THSD4: variants seen among roughly 807,000 people sequenced by gnomAD.
THSD4 encodes thrombospondin type-1 domain-containing protein 4.
A neutral mutation model predicts 119.0 loss-of-function variants in THSD4; 69 were observed. That is an observed-to-expected ratio of 0.58 (90% CI 0.48 to 0.71). The LOEUF (loss-of-function observed/expected upper bound fraction) is 0.71, where lower values mean the gene tolerates loss of function less well. THSD4 is among the 30% of genes least tolerant of loss of function. THSD4 has a pLI of 0.00. For missense variants in THSD4, 1,393 were observed against 1,391.1 expected, an observed-to-expected ratio of 1.00 and a Z score of -0.02; for synonymous variants, 524 against 540.4, an observed-to-expected ratio of 0.97 and a Z score of 0.42.
intron 6 of THSD4, among the ~76,000 whole-genome samples, chr15:71,329,256 C>A (rs893172054): frequency 1.3e-5 from 2 of 152,132 alleles, no homozygotes; most frequent in Non-Finnish European, 2.9e-5. Context: ...GGCTGCCTGG[C>A]GACAGGGAGC....
intron 6 of THSD4, among the ~76,000 whole-genome samples, chr15:71,343,727 T>A (rs565236431): frequency 4.1e-4 from 62 of 151,398 alleles, no homozygotes; most frequent in African/African-American, 1.5e-3. Context: ...TTTTTTTTTT[T>A]TTTTTTGAGA....
intron 7 of THSD4, among the ~76,000 whole-genome samples, chr15:71,440,925 C>T (rs1230339604): frequency 1.3e-5 from 2 of 152,180 alleles, no homozygotes; most frequent in African/African-American, 4.8e-5. Flanking sequence ...AACTGCTCTT[C>T]AGACTCAGTT....
chr15:71,441,281 C>A (rs1257153713), intron 7 of THSD4, among the ~76,000 whole-genome samples: 1 of 36,552 alleles, frequency 2.7e-5, no homozygotes, highest in Non-Finnish European at 6.9e-5. Flanking sequence ...AGGCAGTGAC[C>A]AGGTGCAGAA....
chr15:71,782,638 G>A lies in THSD4; in HGVS notation c.*5264G>A, dbSNP rs907007685. ...CCAGCCTCCTGGAATGTCGCTGTAC[G>A]ATGATTGATGTCTTTTTCTCAGTCC... is the stretch of plus-strand genomic sequence containing the variant. On this transcript the variant is annotated 3_prime_UTR_variant, in exon 18 of 18. Transcript: ENST00000261862. The A allele has an allele frequency of 2.0e-5, 3 of 152,190 alleles. No homozygotes were observed. The highest frequency in any genetic ancestry group is 2.1e-4 in the South Asian group (1 of 4,828). 9.4% of individuals were successfully genotyped at this position (152,190 alleles called of 1,614,324 possible). A position where few individuals can be genotyped will look rare whatever the true frequency, so the allele number is the denominator to read the frequency against.
chr15:71,162,645 C>T (rs2043258181), intron 3 of THSD4, among the ~76,000 whole-genome samples: 1 of 152,000 alleles, frequency 6.6e-6, no homozygotes, highest in South Asian at 2.1e-4. Context: ...AGACCTTTGA[C>T]CTTCCTGAAT....
At chr15:71,683,049 G>T (rs1286054533) in intron 8 of THSD4, among the ~76,000 whole-genome samples, 1 of 149,888 alleles carries the variant, frequency 6.7e-6, no homozygotes, top group African/African-American at 2.5e-5. Flanking sequence ...AGCCTCCCAA[G>T]TAGCGGGAAC....
At chr15:71,564,645 A>G (rs2049189076) in intron 7 of THSD4, among the ~76,000 whole-genome samples, 2 of 30,744 alleles carry the variant, frequency 6.5e-5, no homozygotes, top group Admixed American at 5.2e-4. Context: ...TGTATATTAT[A>G]ACATATAATA....
chr15:71,144,891 A>G (rs1239266357), intron 2 of THSD4, among the ~76,000 whole-genome samples: 1 of 152,230 alleles, frequency 6.6e-6, no homozygotes, highest in Non-Finnish European at 1.5e-5. Context: ...CATGTGGACC[A>G]AAGTGTAGGC....
chr15:71,415,605 G>A (rs916658036), intron 7 of THSD4, among the ~76,000 whole-genome samples: 1 of 151,892 alleles, frequency 6.6e-6, no homozygotes, highest in Admixed American at 6.6e-5. Context: ...TCACCCTGTT[G>A]TGCTATCAAA....
intron 7 of THSD4, among the ~76,000 whole-genome samples, chr15:71,443,140 A>C (rs143753391): frequency 6.6e-6 from 1 of 152,348 alleles, no homozygotes; most frequent in African/African-American, 2.4e-5. Context: ...TGAAGGGTAC[A>C]TGAATGTTGG....
At chr15:71,701,893 G>A (rs2052296897) in intron 8 of THSD4, among the ~76,000 whole-genome samples, 1 of 152,136 alleles carries the variant, frequency 6.6e-6, no homozygotes, top group Non-Finnish European at 1.5e-5. Flanking sequence ...TAATGATCAT[G>A]CATTGCTTCT....
chr15:71,444,007 G>C (rs1275052820), intron 7 of THSD4, among the ~76,000 whole-genome samples: 2 of 152,124 alleles, frequency 1.3e-5, no homozygotes, highest in African/African-American at 4.8e-5. Context: ...AGGCTGAGGT[G>C]GTCCTTTCTG....
At chr15:71,260,975 G>A (rs952459592) in intron 6 of THSD4, among the ~76,000 whole-genome samples, 3 of 152,156 alleles carry the variant, frequency 2.0e-5, no homozygotes, top group Non-Finnish European at 4.4e-5. Context: ...GGTGGCACAT[G>A]CCTGTAATCC....
At chr15:71,168,786 GA>G (rs2043321462) in intron 3 of THSD4, among the ~76,000 whole-genome samples, 1 of 151,916 alleles carries the variant, frequency 6.6e-6, no homozygotes, top group Admixed American at 6.5e-5. Context: ...TATAGAAGGG[GA>G]AAAAAATTTT....
intron 6 of THSD4, among the ~76,000 whole-genome samples, chr15:71,390,126 T>C (rs1429186670): frequency 3.9e-5 from 6 of 152,140 alleles, no homozygotes; most frequent in Admixed American, 1.3e-4. Flanking sequence ...GAGCAACATA[T>C]TCTGGGCAAT....
At chr15:71,482,962 ATC>A (rs1567001557) in intron 7 of THSD4, among the ~76,000 whole-genome samples, 2 of 152,168 alleles carry the variant, frequency 1.3e-5, no homozygotes, top group African/African-American at 4.8e-5. Flanking sequence ...TTCAACTTAT[ATC>A]TCATTGGCCA....
chr15:71,199,703 T>TGGTATGTGTGTGTGATG (rs2043767753), intron 3 of THSD4, among the ~76,000 whole-genome samples: 7 of 8,780 alleles, frequency 8.0e-4, no homozygotes, highest in East Asian at 3.4e-3. Context: ...GTGTGTGGTG[T>TGGTATGTGTGTGTGATG]CTGGGTGTGT....
intron 4 of THSD4, among the ~76,000 whole-genome samples, chr15:71,226,110 G>A (rs770473065): frequency 6.6e-6 from 1 of 151,882 alleles, no homozygotes; most frequent in Non-Finnish European, 1.5e-5. Context: ...CTGCTAACTG[G>A]GTGGCCTATG....
In THSD4 at chr15:71,738,118, G is replaced by A. The variant is rs377414683; in HGVS notation, c.1906+111G>A. The A allele has an allele frequency of 8.3e-5, 117 of 1,402,936 alleles. No homozygotes were observed. The East Asian group carries it at 2.3e-3, about 28-fold the overall frequency. The allele number at this position is 1,402,936 out of a possible 1,614,324, so 86.9% of individuals were successfully genotyped here. A position where few individuals can be genotyped will look rare whatever the true frequency, so the allele number is the denominator to read the frequency against. ...TTTTGGCACCAGGGACTGGTTTCGT[G>A]GAAGACGATTTCTCCATGGATGGTG... is the stretch of plus-strand genomic sequence containing the variant. On this transcript the variant is annotated intron_variant, in intron 11 of 17. Coordinates refer to ENST00000261862, the MANE Select transcript of THSD4 (RefSeq NM_024817.3).
Sources: allele counts gnomAD v4.1 joint callset (sites outside exome capture counted in the v4.1 genomes callset), GRCh38; gene constraint gnomAD v4.1.1; transcripts MANE v1.5; gene names NCBI Gene and HGNC (gene_info 2026-07-23, HGNC 2026-07-21).